Variants in TWSG1 observed in about 807,000 individuals in gnomAD.
TWSG1 encodes the protein twisted gastrulation BMP signaling modulator 1.
In TWSG1, 15 loss-of-function variants were observed where a neutral mutation model predicts 23.0. That is an observed-to-expected ratio of 0.65 (90% confidence interval 0.44 to 1.00). The LOEUF (loss-of-function observed/expected upper bound fraction) is 1.00, where lower values mean the gene tolerates loss of function less well. Ranked by LOEUF, TWSG1 falls within the 50% of genes least tolerant of loss-of-function variation. The pLI is 0.00. For missense variants in TWSG1, 242 were observed against 278.7 expected, an observed-to-expected ratio of 0.87 and a Z score of 0.94; for synonymous variants, 86 against 92.8, an observed-to-expected ratio of 0.93 and a Z score of 0.42.
chr18:9,390,262 C>T (rs1480484510), intron 3 of TWSG1, among the ~76,000 whole-genome samples: 4 of 151,980 alleles, frequency 2.6e-5, no homozygotes, highest in African/African-American at 7.2e-5. Flanking sequence ...TCCAGGTTCA[C>T]GCCATTCTCC....
At chr18:9,387,026 CAAGA>C (rs1231530019) in intron 3 of TWSG1, among the ~76,000 whole-genome samples, 2 of 151,962 alleles carry the variant, frequency 1.3e-5, no homozygotes, top group Non-Finnish European at 2.9e-5. Flanking sequence ...GATAGAAAAC[CAAGA>C]AAGATAACAA....
chr18:9,375,166 CAAAAAA>C (rs34522798), intron 3 of TWSG1, among the ~76,000 whole-genome samples: 1 of 89,780 alleles, frequency 1.1e-5, no homozygotes, highest in Non-Finnish European at 2.1e-5. Context: ...TACTCCGTCT[CAAAAAA>C]AAAAAAAAAA....
At chr18:9,344,085 G>T (rs901324921) in intron 2 of TWSG1, among the ~76,000 whole-genome samples, 2 of 152,112 alleles carry the variant, frequency 1.3e-5, no homozygotes, top group South Asian at 2.1e-4. Flanking sequence ...AATTTTTTGT[G>T]TGTGGAGACA....
At chr18:9,398,620 G>C (rs919620991) in intron 4 of TWSG1, among the ~76,000 whole-genome samples, 4 of 151,940 alleles carry the variant, frequency 2.6e-5, no homozygotes, top group African/African-American at 7.3e-5. Context: ...ACCATGCCCG[G>C]TTAATTTTTT....
intron 3 of TWSG1, among the ~76,000 whole-genome samples, chr18:9,361,447 G>A (rs1002623153): frequency 2.6e-5 from 4 of 152,178 alleles, no homozygotes; most frequent in African/African-American, 9.7e-5. Context: ...AAACGGACTG[G>A]GAGTACTTAA....
chr18:9,340,691 C>T (rs1442777097), intron 2 of TWSG1, among the ~76,000 whole-genome samples: 2 of 152,068 alleles, frequency 1.3e-5, no homozygotes, highest in Non-Finnish European at 2.9e-5. Context: ...ATTAGCAAGG[C>T]GGCTTGAAGG....
At chr18:9,349,780 T>A (rs1470854935) in intron 2 of TWSG1, among the ~76,000 whole-genome samples, 2 of 152,256 alleles carry the variant, frequency 1.3e-5, no homozygotes, top group Non-Finnish European at 2.9e-5. Flanking sequence ...GTTTTCTCTT[T>A]TCTCTCGTGA....
chr18:9,347,478 G>A (rs1158540669), intron 2 of TWSG1, among the ~76,000 whole-genome samples: 1 of 152,086 alleles, frequency 6.6e-6, no homozygotes, highest in East Asian at 1.9e-4. Flanking sequence ...ATGAACATGT[G>A]TGCCTTTCCT....
chr18:9,374,905 C>A (rs961374866), intron 3 of TWSG1, among the ~76,000 whole-genome samples: 3 of 152,140 alleles, frequency 2.0e-5, no homozygotes, highest in Non-Finnish European at 4.4e-5. Flanking sequence ...CGGTGGCTCA[C>A]GCCTGTAATC....
chr18:9,373,728 C>G (rs1250132927), intron 3 of TWSG1, among the ~76,000 whole-genome samples: 1 of 152,150 alleles, frequency 6.6e-6, no homozygotes, highest in East Asian at 1.9e-4. Flanking sequence ...TTTCATTCCA[C>G]AACAGCAGAA....
intron 3 of TWSG1, among the ~76,000 whole-genome samples, chr18:9,387,859 T>C (rs1347819445): frequency 1.3e-5 from 2 of 152,088 alleles, no homozygotes; most frequent in African/African-American, 4.8e-5. Flanking sequence ...AAGGTGGACA[T>C]TGACTTTTCT....
intron 3 of TWSG1, among the ~76,000 whole-genome samples, chr18:9,382,083 C>CTTT (rs11369376): frequency 4.9e-4 from 72 of 145,638 alleles, no homozygotes; most frequent in African/African-American, 1.2e-3. Context: ...TATTTTTAGT[C>CTTT]TTTTTTTTTT....
intron 3 of TWSG1, among the ~76,000 whole-genome samples, chr18:9,370,789 C>T (rs1392083369): frequency 1.3e-5 from 2 of 152,126 alleles, no homozygotes; most frequent in African/African-American, 4.8e-5. Flanking sequence ...CAAGAACATT[C>T]ATTTAAGTAT....
intron 3 of TWSG1, among the ~76,000 whole-genome samples, chr18:9,362,404 C>G (rs1485331445): frequency 6.6e-6 from 1 of 152,014 alleles, no homozygotes; most frequent in Admixed American, 6.6e-5. Context: ...GACAGGGTTT[C>G]GCCATGTTGC....
rs544649514 is a variant in TWSG1, at chr18:9,401,998, C to G, written c.*2471C>G. On this transcript the variant is annotated 3_prime_UTR_variant, in exon 5 of 5. Coordinates refer to ENST00000262120, the MANE Select transcript of TWSG1 (RefSeq NM_020648.6). ...CAGGTTTTTCTGTTAGTTTTTCCCC[C>G]ATAACATTTAATTATTACTAAAATT... 1 of 152,108 alleles carries G rather than the reference C, an allele frequency of 6.6e-6. No individual in the cohort carries two copies. Among genetic ancestry groups the G allele is most frequent in the South Asian group, 2.1e-4 (1 of 4,826 alleles). The allele number at this position is 152,108 out of a possible 1,614,324, so 9.4% of individuals were successfully genotyped here.
intron 2 of TWSG1, among the ~76,000 whole-genome samples, chr18:9,341,780 C>T (rs1306909369): frequency 6.6e-6 from 1 of 151,370 alleles, no homozygotes; most frequent in Admixed American, 6.6e-5. Context: ...ATTAATAGTC[C>T]TTTCCTTTTA....
chr18:9,374,938 C>T (rs1242451175), intron 3 of TWSG1, among the ~76,000 whole-genome samples: 8 of 152,050 alleles, frequency 5.3e-5, no homozygotes, highest in African/African-American at 1.4e-4. Context: ...GAGGCCAAGG[C>T]GGCCAGATCA....
At chr18:9,372,023 C>T (rs2040607906) in intron 3 of TWSG1, among the ~76,000 whole-genome samples, 1 of 152,030 alleles carries the variant, frequency 6.6e-6, no homozygotes, top group South Asian at 2.1e-4. Context: ...CCTTGGCCTC[C>T]CAAAGTGCTG....
intron 3 of TWSG1, among the ~76,000 whole-genome samples, chr18:9,366,631 G>C (rs1053548311): frequency 6.6e-6 from 1 of 152,128 alleles, no homozygotes; most frequent in Non-Finnish European, 1.5e-5. Flanking sequence ...GATCTAGATA[G>C]ATCCGTTGGT....
Sources: allele counts gnomAD v4.1 joint callset (sites outside exome capture counted in the v4.1 genomes callset), GRCh38; gene constraint gnomAD v4.1.1; transcripts MANE v1.5; gene names NCBI Gene and HGNC (gene_info 2026-07-23, HGNC 2026-07-21).